Variants in MICAL2 observed in about 807,000 individuals in gnomAD.
MICAL2 encodes the protein [F-actin]-monooxygenase MICAL2.
Under a neutral mutation model 127.3 loss-of-function variants are expected in MICAL2, and 77 were observed. The observed-to-expected ratio is 0.60, with a 90% CI of 0.50 to 0.73. The LOEUF is 0.73. Among genes scored for constraint, MICAL2 ranks in the 30% least tolerant of loss-of-function variants. The probability of loss-of-function intolerance (pLI) is 0.00; values close to 1 mark genes in which losing one functional copy is unlikely to be tolerated. For missense variants in MICAL2, 1,351 were observed against 1,434.4 expected, an observed-to-expected ratio of 0.94 and a Z score of 0.94; for synonymous variants, 570 against 551.1, an observed-to-expected ratio of 1.03 and a Z score of -0.48.
rs193004986 is a variant in MICAL2 at position 12,114,349 on chromosome 11, T to C, written c.-149+3623T>C. Among the ~76,000 whole-genome samples the C allele has an allele frequency of 9.6e-4, 146 of 152,364 alleles. 1 individual carries two copies. The East Asian group carries it at 0.019, about 20-fold the overall frequency. ...ACGTAACAGAATTAACTGTGCTTCT[T>C]AGACATCACCTGTCCACCTGCAGAT... On this transcript the variant is annotated intron_variant, in intron 1 of 27. Coordinates refer to ENST00000683283, the MANE Select transcript of MICAL2 (RefSeq NM_001282663.2).
At chr11:12,265,985 G>A (rs909271967), downstream of MICAL2, among the ~76,000 whole-genome samples, 3 of 151,974 alleles carry the variant, frequency 2.0e-5, no homozygotes, top group African/African-American at 7.3e-5. Context: ...GGTGGCACAT[G>A]CCTTTAATTC....
At chr11:12,157,883 T>A (rs182648436) in intron 2 of MICAL2, among the ~76,000 whole-genome samples, 13 of 152,282 alleles carry the variant, frequency 8.5e-5, no homozygotes, top group Admixed American at 7.9e-4. Context: ...TTCAGTTCAT[T>A]ACCAAAACTA....
At chr11:12,219,721 G>A (rs1358016041) in intron 8 of MICAL2, among the ~76,000 whole-genome samples, 1 of 152,010 alleles carries the variant, frequency 6.6e-6, no homozygotes, top group Admixed American at 6.6e-5. Flanking sequence ...CTTTCTGATG[G>A]CTCCTTTGTC....
At chr11:12,207,812 A>C (rs957922835) in intron 4 of MICAL2, 1 of 501,088 alleles carries the variant, frequency 2.0e-6, no homozygotes, top group African/African-American at 1.9e-5. Context: ...TCTCATCTAC[A>C]GAATGAGAAT....
intron 26 of MICAL2, chr11:12,261,226 T>C: frequency 1.0e-6 from 1 of 985,514 alleles, no homozygotes; most frequent in Non-Finnish European, 1.2e-6. Flanking sequence ...GCTTAGCTGC[T>C]CCGCTGCCAC....
intron 32 of MICAL2, among the ~76,000 whole-genome samples, chr11:12,337,899 G>A (rs1326320030): frequency 6.6e-6 from 1 of 152,194 alleles, no homozygotes; most frequent in African/African-American, 2.4e-5. Flanking sequence ...TGGAATAGGT[G>A]TGGTGTGGTG....
At chr11:12,235,580 TAATAA>T (rs1206811899) in intron 15 of MICAL2, among the ~76,000 whole-genome samples, 1 of 152,238 alleles carries the variant, frequency 6.6e-6, no homozygotes, top group East Asian at 1.9e-4. Context: ...TATTTGAAGT[TAATAA>T]AATATTGTTT....
chr11:12,290,450 G>A (rs1863883334), downstream of MICAL2, among the ~76,000 whole-genome samples: 1 of 152,154 alleles, frequency 6.6e-6, no homozygotes, highest in South Asian at 2.1e-4. Context: ...CTTGAGGCAA[G>A]TGAAGGAGTT....
At chr11:12,146,063 T>A (rs1227599521) in intron 2 of MICAL2, among the ~76,000 whole-genome samples, 1 of 152,160 alleles carries the variant, frequency 6.6e-6, no homozygotes, top group Non-Finnish European at 1.5e-5. Context: ...CAAAAATTAA[T>A]TCAAGATGGA....
intron 3 of MICAL2, among the ~76,000 whole-genome samples, chr11:12,199,384 C>T (rs1014530058): frequency 1.3e-5 from 2 of 152,184 alleles, no homozygotes; most frequent in African/African-American, 4.8e-5. Flanking sequence ...GAGAACGCCA[C>T]ACCCTGGTCA....
At chr11:12,226,650 GGTT>G (rs1445900041) in intron 14 of MICAL2, among the ~76,000 whole-genome samples, 18 of 122,036 alleles carry the variant, frequency 1.5e-4, no homozygotes, top group East Asian at 1.4e-3. Context: ...GTTTGTTTTT[GGTT>G]TTTTTTTTTT....
At chr11:12,141,593 C>CTT (rs1852359541) in intron 2 of MICAL2, among the ~76,000 whole-genome samples, 1 of 152,214 alleles carries the variant, frequency 6.6e-6, no homozygotes, top group Non-Finnish European at 1.5e-5. Context: ...GGAGAAAACT[C>CTT]TAACCTTGTG....
chr11:12,156,628 T>A (rs539333106), intron 2 of MICAL2, among the ~76,000 whole-genome samples: 49 of 152,284 alleles, frequency 3.2e-4, no homozygotes, highest in Non-Finnish European at 7.1e-4. Context: ...GGGTGCCTAG[T>A]GCCCTGGTAG....
downstream of MICAL2, among the ~76,000 whole-genome samples, chr11:12,268,006 G>A (rs183305616): frequency 1.7e-3 from 261 of 152,278 alleles, 1 homozygote; most frequent in African/African-American, 5.9e-3. Flanking sequence ...TTCAATGCTT[G>A]TATAACCCCG....
In MICAL2 at chr11:12,179,785, C is replaced by A. The variant is rs1207874694; in HGVS notation, c.264+17366C>A. ...AGAGCCCAGCTGGTTGGTGTTGTTA[C>A]CAAGTTATGATAACTTAATGCTGAG... On this transcript the variant is annotated intron_variant, in intron 3 of 27. Transcript: ENST00000683283. Among the ~76,000 whole-genome samples the A allele has an allele frequency of 3.3e-5, 5 of 152,212 alleles. No individual in the cohort carries two copies. The East Asian group carries it at 7.7e-4, about 23-fold the overall frequency.
chr11:12,260,209 G>T lies in MICAL2; in HGVS notation c.3334+312G>T, dbSNP rs1348880449. The T allele has an allele frequency of 5.5e-6, 8 of 1,465,290 alleles. No homozygotes were observed. The African/African-American group carries it at 9.9e-5, about 18-fold the overall frequency. The allele number at this position is 1,465,290 out of a possible 1,614,324, so 90.8% of individuals were successfully genotyped here. A position where few individuals can be genotyped will look rare whatever the true frequency, so the allele number is the denominator to read the frequency against. ...GCCCCAAAGTGCCTTCACATTTCCA[G>T]GGAGGCTTCAGATGGCAGTGCGTTT... On this transcript the variant is annotated intron_variant, in intron 26 of 27. Transcript: ENST00000683283.
intron 2 of MICAL2, among the ~76,000 whole-genome samples, chr11:12,148,881 C>A (rs1035926624): frequency 6.6e-6 from 1 of 152,150 alleles, no homozygotes; most frequent in African/African-American, 2.4e-5. Flanking sequence ...CCCAGCCAGG[C>A]GTCACTGTGT....
chr11:12,178,561 G>A (rs1016543193), intron 3 of MICAL2, among the ~76,000 whole-genome samples: 3 of 152,130 alleles, frequency 2.0e-5, no homozygotes, highest in Non-Finnish European at 4.4e-5. Context: ...TGCCTGAAGA[G>A]TTTAAGTTGG....
chr11:12,286,338 C>A (rs150334198), intron 2 of MICAL2, among the ~76,000 whole-genome samples: 243 of 152,268 alleles, frequency 1.6e-3, no homozygotes, highest in African/African-American at 5.4e-3. Context: ...AGAGCAGCTC[C>A]AGTTTTTAAT....
Sources: allele counts gnomAD v4.1 joint callset (sites outside exome capture counted in the v4.1 genomes callset), GRCh38; gene constraint gnomAD v4.1.1; transcripts MANE v1.5; gene names NCBI Gene and HGNC (gene_info 2026-07-23, HGNC 2026-07-21).